ROBO2: variants seen among roughly 807,000 people sequenced by gnomAD.
ROBO2 encodes roundabout homolog 2.
A neutral mutation model predicts 160.8 loss-of-function variants in ROBO2; 53 were observed. The ratio of observed to expected loss-of-function variants is 0.33; its 90% CI spans 0.26 to 0.41. ROBO2 has a LOEUF of 0.41. Ranked by LOEUF, ROBO2 falls within the 10% of genes least tolerant of loss-of-function variation. The probability of loss-of-function intolerance (pLI) is 1.00; values close to 1 mark genes in which losing one functional copy is unlikely to be tolerated. For missense variants in ROBO2, 1,577 were observed against 1,722.4 expected, an observed-to-expected ratio of 0.92 and a Z score of 1.49; for synonymous variants, 664 against 611.7, an observed-to-expected ratio of 1.09 and a Z score of -1.26.
At chr3:77,164,921 G>C (rs1216063232) in intron 2 of ROBO2, among the ~76,000 whole-genome samples, 2 of 111,926 alleles carry the variant, frequency 1.8e-5, no homozygotes, top group African/African-American at 3.0e-5. Context: ...CAGCCGCCCC[G>C]TCCGGGAGGG....
intron 2 of ROBO2, among the ~76,000 whole-genome samples, chr3:76,378,394 A>C (rs956456479): frequency 3.9e-5 from 6 of 152,188 alleles, no homozygotes; most frequent in Admixed American, 2.0e-4. Flanking sequence ...GTGTCAACTT[A>C]CACAAAATGT....
chr3:76,798,394 A>G (rs576181986), intron 2 of ROBO2, among the ~76,000 whole-genome samples: 22 of 152,216 alleles, frequency 1.4e-4, no homozygotes, highest in Admixed American at 5.2e-4. Context: ...AGCAAACTGA[A>G]TTCAACAACA....
At chr3:76,227,680 A>T (rs893851493) in intron 2 of ROBO2, among the ~76,000 whole-genome samples, 2 of 152,184 alleles carry the variant, frequency 1.3e-5, no homozygotes, top group Non-Finnish European at 2.9e-5. Context: ...AAGAATCTCT[A>T]CTACTTGGCT....
chr3:76,698,336 G>A (rs987953280), intron 2 of ROBO2, among the ~76,000 whole-genome samples: 16 of 152,306 alleles, frequency 1.1e-4, no homozygotes, highest in African/African-American at 3.8e-4. Flanking sequence ...CTGTGGCTCT[G>A]TTCAGAGAAA....
At chr3:76,101,675 C>A (rs1576862875) in intron 2 of ROBO2, among the ~76,000 whole-genome samples, 3 of 151,268 alleles carry the variant, frequency 2.0e-5, no homozygotes, top group South Asian at 4.2e-4. Context: ...TGAGGTATAT[C>A]TCCTAATGCT....
At chr3:75,979,464 A>G (rs2065220480) in intron 2 of ROBO2, among the ~76,000 whole-genome samples, 1 of 151,540 alleles carries the variant, frequency 6.6e-6, no homozygotes, top group African/African-American at 2.4e-5. Flanking sequence ...ACAAGAATGG[A>G]TAAGTTTATC....
intron 2 of ROBO2, among the ~76,000 whole-genome samples, chr3:77,110,338 A>G (rs1171512051): frequency 6.6e-6 from 1 of 152,190 alleles, no homozygotes; most frequent in African/African-American, 2.4e-5. Context: ...AGTCATTAAC[A>G]TATTTATATG....
At chr3:77,303,934 T>C (rs1229552565) in intron 2 of ROBO2, among the ~76,000 whole-genome samples, 2 of 152,210 alleles carry the variant, frequency 1.3e-5, no homozygotes, top group East Asian at 3.9e-4. Flanking sequence ...GAGGTTGTGC[T>C]GGGCTTCCTT....
At chr3:76,202,555 A>G (rs1470756814) in intron 2 of ROBO2, among the ~76,000 whole-genome samples, 1 of 152,200 alleles carries the variant, frequency 6.6e-6, no homozygotes, top group African/African-American at 2.4e-5. Context: ...AATGGATCAT[A>G]GGTGCAGACA....
chr3:76,273,843 A>G (rs1225194773), intron 2 of ROBO2, among the ~76,000 whole-genome samples: 1 of 152,188 alleles, frequency 6.6e-6, no homozygotes, highest in Non-Finnish European at 1.5e-5. Flanking sequence ...CCACAAAACC[A>G]TATCACTGGG....
chr3:76,459,752 A>G (rs897956133), intron 2 of ROBO2, among the ~76,000 whole-genome samples: 1 of 152,328 alleles, frequency 6.6e-6, no homozygotes, highest in Middle Eastern at 3.4e-3. Flanking sequence ...GTTAATAAAT[A>G]AAAGATAACT....
At chr3:76,428,872 C>G (rs1269573032) in intron 2 of ROBO2, among the ~76,000 whole-genome samples, 1 of 152,126 alleles carries the variant, frequency 6.6e-6, no homozygotes, top group Non-Finnish European at 1.5e-5. Context: ...GTCATCTTCA[C>G]GGTCGTGGGA....
At chr3:76,708,460 T>G (rs2093217241) in intron 2 of ROBO2, among the ~76,000 whole-genome samples, 2 of 152,178 alleles carry the variant, frequency 1.3e-5, no homozygotes, top group Admixed American at 1.3e-4. Flanking sequence ...AAGGATATCT[T>G]TTCAATTTTG....
intron 2 of ROBO2, among the ~76,000 whole-genome samples, chr3:76,313,753 T>C (rs1689897408): frequency 6.6e-6 from 1 of 152,224 alleles, no homozygotes; most frequent in Admixed American, 6.5e-5. Flanking sequence ...GTTATTTTTT[T>C]TTTCTTGCAC....
At chr3:77,328,340 A>T (rs2065645579) in intron 2 of ROBO2, among the ~76,000 whole-genome samples, 1 of 152,172 alleles carries the variant, frequency 6.6e-6, no homozygotes, top group Admixed American at 6.5e-5. Context: ...TGTGAACGGA[A>T]TTATATTTTA....
chr3:76,256,235 A>C lies in ROBO2; in HGVS notation c.109+318633A>C, dbSNP rs148924113. On this transcript the variant is annotated intron_variant, in intron 2 of 26. Coordinates refer to the ROBO2 transcript ENST00000487694. ...TGAGGCTGAAGGATTCCTTGAGCTCAGGAAGTCAGGGATGCAGTGAGCTGT... is the reference window on the plus strand; with the variant it reads ...TGAGGCTGAAGGATTCCTTGAGCTCCGGAAGTCAGGGATGCAGTGAGCTGT... Among the ~76,000 whole-genome samples the C allele has an allele frequency of 3.0e-3, 453 of 150,668 alleles. 1 individual carries two copies. Among genetic ancestry groups the C allele is most frequent in the Non-Finnish European group, 5.1e-3 (346 of 67,484 alleles).
chr3:76,829,765 T>C (rs1348976574), intron 2 of ROBO2, among the ~76,000 whole-genome samples: 1 of 151,856 alleles, frequency 6.6e-6, no homozygotes, highest in East Asian at 1.9e-4. Flanking sequence ...GCCTCCCAGG[T>C]TCAAGCGATT....
intron 2 of ROBO2, among the ~76,000 whole-genome samples, chr3:77,124,942 A>G (rs1405497873): frequency 6.9e-6 from 1 of 145,738 alleles, no homozygotes; most frequent in East Asian, 2.0e-4. Context: ...CTCTTTCTGT[A>G]TCTCTTCCTA....
chr3:77,503,481 G>A (rs933702237), intron 5 of ROBO2, among the ~76,000 whole-genome samples: 30 of 150,696 alleles, frequency 2.0e-4, no homozygotes, highest in African/African-American at 6.1e-4. Context: ...CCAAGATCGC[G>A]CCACTGCACT....
Sources: gnomAD v4.1 joint callset for allele counts (sites outside exome capture counted in the v4.1 genomes callset) on GRCh38, gnomAD v4.1.1 for gene constraint, MANE v1.5 for transcripts, NCBI Gene and HGNC (gene_info 2026-07-23, HGNC 2026-07-21) for gene names.